Variants in PAPPA observed in about 807,000 individuals in gnomAD.
PAPPA encodes the protein pappalysin 1.
In PAPPA, 60 loss-of-function variants were observed where a neutral mutation model predicts 164.0. That is an observed-to-expected ratio of 0.37 (90% confidence interval 0.30 to 0.45). PAPPA has a LOEUF of 0.45. Among genes scored for constraint, PAPPA ranks in the 20% least tolerant of loss-of-function variants. The probability of loss-of-function intolerance (pLI) is 1.00; values close to 1 mark genes in which losing one functional copy is unlikely to be tolerated. For synonymous variants in PAPPA, 875 were observed against 814.1 expected (o/e 1.07, Z -1.27); for missense variants, 1,782 against 2,087.3 (o/e 0.85, Z 2.85).
chr9:116,233,269 A>G (rs1055875334), intron 6 of PAPPA, among the ~76,000 whole-genome samples: 3 of 152,250 alleles, frequency 2.0e-5, no homozygotes, highest in African/African-American at 7.2e-5. Flanking sequence ...TTTGATGACA[A>G]TCAGATGAGT....
intron 2 of PAPPA, among the ~76,000 whole-genome samples, chr9:116,199,421 C>T (rs1046897879): frequency 6.6e-6 from 1 of 152,184 alleles, no homozygotes; most frequent in Non-Finnish European, 1.5e-5. Flanking sequence ...CACCCTAACT[C>T]AGCATCAGAT....
intron 1 of PAPPA, among the ~76,000 whole-genome samples, chr9:116,179,529 C>T (rs564066448): frequency 3.3e-5 from 5 of 152,294 alleles, no homozygotes; most frequent in Admixed American, 2.6e-4. Flanking sequence ...CTGTATGTCT[C>T]CCTTTAAGCC....
At chr9:116,356,452 C>T (rs1301806869) in intron 17 of PAPPA, among the ~76,000 whole-genome samples, 1 of 152,216 alleles carries the variant, frequency 6.6e-6, no homozygotes, top group East Asian at 1.9e-4. Flanking sequence ...AAGGTCACTC[C>T]AGTGGCGAGA....
At chr9:116,238,175 T>C (rs563840078) in intron 7 of PAPPA, among the ~76,000 whole-genome samples, 1 of 152,136 alleles carries the variant, frequency 6.6e-6, no homozygotes, top group Non-Finnish European at 1.5e-5. Context: ...ATAAGGTGAT[T>C]ATAATTTGCA....
At chr9:116,259,138 A>G (rs574096415) in intron 7 of PAPPA, among the ~76,000 whole-genome samples, 2 of 151,810 alleles carry the variant, frequency 1.3e-5, no homozygotes, top group African/African-American at 4.8e-5. Flanking sequence ...CGTCTAAAAA[A>G]TAATAATAGT....
Position 116,352,842 on chromosome 9 carries a change from C to T in PAPPA, c.4101C>T (p.His1367=). Residue 1367 remains histidine (H), a synonymous_variant, in exon 16 of 22, where the codon CAC becomes CAT. Coordinates refer to ENST00000328252, the MANE Select transcript of PAPPA (RefSeq NM_002581.5). The part of the protein sequence containing the change: ...LQTARCRENK[H]KVGSFCKYKC... ...CCGCCCGGTGCCGAGAGAATAAGCA[C>T]AAGGTGGGCTCCTTCTGCAAATACA... 1.2e-6 allele frequency: 2 copies of T among 1,614,006 alleles called. No homozygotes were observed. The highest frequency in any genetic ancestry group is 1.7e-5 in the Admixed American group (1 of 60,010).
chr9:116,235,278 G>C lies in PAPPA; in HGVS notation c.2373G>C (p.Leu791Phe). The stretch of plus-strand genomic sequence containing the variant: ...TCGAGCTGGAGTTCCTCTACCCCTT[G>C]GTCCCTGAGTCTCTGACCATTTGGG... Reference protein sequence around the residue: ...CYLELEFLYPLVPESLTIWVT... With the variant: ...CYLELEFLYPFVPESLTIWVT... The change falls in exon 7 of 22, where the codon TTG becomes TTC. Residue 791 changes from leucine (L) to phenylalanine (F), a missense_variant. Physicochemically the swap from Leu to Phe is conservative, Grantham distance 22. Transcript: ENST00000328252. The C allele has an allele frequency of 1.9e-6, 3 of 1,614,066 alleles. No homozygotes were observed. Among genetic ancestry groups the C allele is most frequent in the Non-Finnish European group, 2.5e-6 (3 of 1,180,006 alleles).
chr9:116,260,039 G>C lies in PAPPA; in HGVS notation c.2733-5818G>C, dbSNP rs1368812786. On this transcript the variant is annotated intron_variant, in intron 7 of 21. Transcript: ENST00000328252. ...AGCAATATGTGTGATCTCAAACAAT[G>C]CTAAGGAAAAAAGAAAAACAGCCAG... Among the ~76,000 whole-genome samples the C allele has an allele frequency of 4.6e-5, 7 of 152,140 alleles. No homozygotes were observed. The East Asian group carries it at 9.6e-4, about 21-fold the overall frequency.
intron 10 of PAPPA, 65 bp downstream of exon 10, chr9:116,303,015 G>A: frequency 1.4e-6 from 2 of 1,395,438 alleles, no homozygotes; most frequent in Non-Finnish European, 2.0e-6. Flanking sequence ...GCCCCACAAG[G>A]CTACTCACCT....
chr9:116,255,883 A>T (rs957297837), intron 7 of PAPPA, among the ~76,000 whole-genome samples: 2 of 151,942 alleles, frequency 1.3e-5, no homozygotes, highest in African/African-American at 4.8e-5. Flanking sequence ...TTTAACTGTC[A>T]TCTTACTATC....
chr9:116,331,733 T>C lies in PAPPA; in HGVS notation c.3261+376T>C, dbSNP rs191411675. Reference sequence around the variant, plus strand: ...CGCTTGTTGGATGGTACTTGTCACATGGTATTACAGAACTGTCTATGGTCT... The same window carrying C: ...CGCTTGTTGGATGGTACTTGTCACACGGTATTACAGAACTGTCTATGGTCT... On this transcript the variant is annotated intron_variant, in intron 11 of 21. Transcript: ENST00000328252. Among the ~76,000 whole-genome samples, 7 of 152,356 alleles carry C rather than the reference T, an allele frequency of 4.6e-5. No homozygotes were observed. In the East Asian group the frequency reaches 1.2e-3, roughly 25 times the overall value.
rs137975319 is a variant in PAPPA, at chr9:116,255,764, C to T, written c.2733-10093C>T. 1.4e-3 allele frequency among the ~76,000 whole-genome samples: 220 copies of T among 151,912 alleles called. 3 individuals carry two copies. Among genetic ancestry groups the T allele is most frequent in the African/African-American group, 5.0e-3 (207 of 41,484 alleles). On this transcript the variant is annotated intron_variant, in intron 7 of 21. Transcript: ENST00000328252. ...AATGAGATTTTCAGGACCCCTGAAACGACCCCTGAAAATCTACATGTTTGG... is the reference window on the plus strand; with the variant it reads ...AATGAGATTTTCAGGACCCCTGAAATGACCCCTGAAAATCTACATGTTTGG...
At chr9:116,191,262 G>T (rs1260165836) in intron 2 of PAPPA, among the ~76,000 whole-genome samples, 1 of 152,158 alleles carries the variant, frequency 6.6e-6, no homozygotes, top group Non-Finnish European at 1.5e-5. Context: ...CCTTTTTGGG[G>T]AGGGCTTTGT....
chr9:116,314,973 T>A (rs1845770256), intron 10 of PAPPA, among the ~76,000 whole-genome samples: 1 of 152,180 alleles, frequency 6.6e-6, no homozygotes, highest in Non-Finnish European at 1.5e-5. Flanking sequence ...TTGGCCCTCA[T>A]CTTATGCCTT....
intron 10 of PAPPA, among the ~76,000 whole-genome samples, chr9:116,305,097 G>A (rs1165731175): frequency 7.8e-6 from 1 of 128,568 alleles, no homozygotes; most frequent in Non-Finnish European, 1.6e-5. Flanking sequence ...ACACACAGAG[G>A]CACAGGCACA....
chr9:116,339,530 C>G (rs1483700773), intron 13 of PAPPA, among the ~76,000 whole-genome samples: 1 of 152,166 alleles, frequency 6.6e-6, no homozygotes, highest in African/African-American at 2.4e-5. Context: ...AAAATGAGGT[C>G]CTAGCATAGT....
intron 7 of PAPPA, among the ~76,000 whole-genome samples, chr9:116,244,598 G>A (rs1844774491): frequency 6.6e-6 from 1 of 152,124 alleles, no homozygotes; most frequent in South Asian, 2.1e-4. Flanking sequence ...TAAATTAAGA[G>A]AGAGTCTGTA....
chr9:116,181,677 G>C (rs1038086873), intron 1 of PAPPA, among the ~76,000 whole-genome samples: 1 of 152,158 alleles, frequency 6.6e-6, no homozygotes, highest in Admixed American at 6.5e-5. Flanking sequence ...AATCAGTATC[G>C]ACATTGGAAG....
chr9:116,292,180 C>T (rs2118869523), intron 9 of PAPPA, among the ~76,000 whole-genome samples: 1 of 152,208 alleles, frequency 6.6e-6, no homozygotes, highest in South Asian at 2.1e-4. Flanking sequence ...AAAGCAGGGG[C>T]TTGTAGGCCT....
Sources: allele counts gnomAD v4.1 joint callset (sites outside exome capture counted in the v4.1 genomes callset), GRCh38; gene constraint gnomAD v4.1.1; transcripts MANE v1.5; gene names NCBI Gene and HGNC (gene_info 2026-07-23, HGNC 2026-07-21).